PLGRKT: variants seen among roughly 807,000 people sequenced by gnomAD.
The protein encoded by PLGRKT is plasminogen receptor (KT).
A neutral mutation model predicts 18.5 loss-of-function variants in PLGRKT; 22 were observed. The ratio of observed to expected loss-of-function variants is 1.19; its 90% CI spans 0.85 to 1.70. The LOEUF is 1.70. PLGRKT is among the 40% of genes most tolerant of loss of function. The probability of loss-of-function intolerance (pLI) is 0.00; values close to 1 mark genes in which losing one functional copy is unlikely to be tolerated. For missense variants in PLGRKT, 235 were observed against 174.4 expected, an observed-to-expected ratio of 1.35 and a Z score of -1.96; for synonymous variants, 72 against 52.8, an observed-to-expected ratio of 1.36 and a Z score of -1.58.
chr9:5,399,335 CCT>C (rs1818112400), intron 3 of PLGRKT, among the ~76,000 whole-genome samples: 1 of 151,906 alleles, frequency 6.6e-6, no homozygotes, highest in South Asian at 2.1e-4. Flanking sequence ...TAGTTTCCCC[CCT>C]GATAAAATAT....
At chr9:5,420,356 A>T (rs933857770) in intron 3 of PLGRKT, among the ~76,000 whole-genome samples, 1 of 152,222 alleles carries the variant, frequency 6.6e-6, no homozygotes, top group Admixed American at 6.5e-5. Flanking sequence ...ACATGTACTA[A>T]ATGTCACTGA....
In PLGRKT at chr9:5,418,644, C is replaced by A; in HGVS notation, c.81+13253G>T. On this transcript the variant is annotated intron_variant, in intron 3 of 5. Transcript: ENST00000223864. This position sits in a 1 kb window ranked among gnomAD's most constrained non-coding sequence, Gnocchi z 4.2. ...GGTGGCGGCTCATATCTCCGGGCAG[C>A]AGCGCGTGCTCCTTGGAGATGGGCA... 1 of 693,634 alleles carries A rather than the reference C, an allele frequency of 1.4e-6. No homozygotes were observed. The highest frequency in any genetic ancestry group is 2.7e-6 in the Non-Finnish European group (1 of 371,328). The allele number at this position is 693,634 out of a possible 1,614,324, so 43.0% of individuals were successfully genotyped here.
chr9:5,408,513 C>T (rs1364478724), intron 3 of PLGRKT, among the ~76,000 whole-genome samples: 1 of 152,164 alleles, frequency 6.6e-6, no homozygotes, highest in African/African-American at 2.4e-5. Context: ...GCAGCCTAGG[C>T]TCATATGCAC....
intron 3 of PLGRKT, among the ~76,000 whole-genome samples, chr9:5,403,592 G>A (rs952569621): frequency 6.6e-6 from 1 of 152,182 alleles, no homozygotes; most frequent in African/African-American, 2.4e-5. Context: ...TAAAGGCAAC[G>A]ATAAGATTGT....
Position 5,361,761 on chromosome 9 carries a change from G to T in PLGRKT, c.209C>A (p.Ala70Asp). The T allele has an allele frequency of 1.2e-6, 2 of 1,605,942 alleles. No individual in the cohort carries two copies. The highest frequency in any genetic ancestry group is 1.7e-6 in the Non-Finnish European group (2 of 1,177,864). ...FFGLAAISLT[A>D]GAIKKKKPAF... ...AAATGTTAAATAGCAAACATACCCA[G>T]CTGTTAAAGAGATGGCTGCAAGGCC... The change falls in exon 4 of 6, where the codon GCT (alanine) becomes GAT (aspartate). Residue 70 changes from alanine to aspartate, a missense_variant. By Grantham distance (126) the Ala-to-Asp change is moderately radical. Transcript: ENST00000223864.
intron 3 of PLGRKT, among the ~76,000 whole-genome samples, chr9:5,375,038 T>C (rs1817601660): frequency 6.6e-6 from 1 of 152,130 alleles, no homozygotes; most frequent in Admixed American, 6.6e-5. Context: ...TTCAAAGTAA[T>C]GCTAAATAAA....
chr9:5,417,636 T>A (rs1006181804), intron 3 of PLGRKT, among the ~76,000 whole-genome samples: 2 of 150,142 alleles, frequency 1.3e-5, no homozygotes, highest in Admixed American at 1.3e-4. Context: ...AAATCTAGTA[T>A]CCATAATATG....
chr9:5,383,610 G>A (rs1275635323), intron 3 of PLGRKT, among the ~76,000 whole-genome samples: 3 of 152,080 alleles, frequency 2.0e-5, no homozygotes, highest in Admixed American at 6.5e-5. Flanking sequence ...TCAACTAGAC[G>A]GTCCCATCTA....
intron 3 of PLGRKT, among the ~76,000 whole-genome samples, chr9:5,400,321 G>C (rs1050990916): frequency 1.3e-5 from 2 of 151,874 alleles, no homozygotes; most frequent in Admixed American, 6.6e-5. Context: ...TCAAATTGTG[G>C]GGTGCATAAC....
intron 3 of PLGRKT, among the ~76,000 whole-genome samples, chr9:5,421,391 A>G (rs1033603201): frequency 2.6e-5 from 4 of 152,202 alleles, no homozygotes; most frequent in Non-Finnish European, 5.9e-5. Context: ...ATGGTCTCCC[A>G]TCATCATCCC....
intron 3 of PLGRKT, among the ~76,000 whole-genome samples, chr9:5,422,062 A>C (rs1343391010): frequency 2.0e-5 from 3 of 152,250 alleles, no homozygotes; most frequent in Non-Finnish European, 4.4e-5. Context: ...TTCCAGGATA[A>C]CCAGGTAGTA....
At chr9:5,412,245 C>T (rs935158377) in intron 3 of PLGRKT, among the ~76,000 whole-genome samples, 3 of 151,972 alleles carry the variant, frequency 2.0e-5, no homozygotes, top group Non-Finnish European at 2.9e-5. Flanking sequence ...CACAAGGTAG[C>T]CGTCTGAAAA....
At position 5,412,959 on chromosome 9, in the gene PLGRKT, T is replaced by C. The variant is rs144722686; in HGVS notation, c.81+18938A>G. ...GAAAATTCACAAAAAAAACAAGATA[T>C]ATAAATGGCCCTCAAATGTGAGAAA... On this transcript the variant is annotated intron_variant, in intron 3 of 5. Coordinates refer to ENST00000223864, the MANE Select transcript of PLGRKT (RefSeq NM_018465.4). Among the ~76,000 whole-genome samples the C allele has an allele frequency of 5.8e-3, 888 of 152,114 alleles. 12 individuals are homozygous for C. The highest frequency in any genetic ancestry group is 0.021 in the African/African-American group (855 of 41,474).
At chr9:5,358,477 C>T (rs746204960) in intron 5 of PLGRKT, 117 bp from the exon 6 acceptor site, 2 of 757,038 alleles carry the variant, frequency 2.6e-6, no homozygotes, top group East Asian at 2.7e-5. Context: ...TGTCCCCAAT[C>T]TCACACTTAA....
At chr9:5,381,880 A>G in intron 3 of PLGRKT, 2 of 984,814 alleles carry the variant, frequency 2.0e-6, no homozygotes, top group South Asian at 4.7e-5. Context: ...ACAGATCCTT[A>G]AGTTGTACCA....
chr9:5,422,148 G>A (rs1196988798), intron 3 of PLGRKT, among the ~76,000 whole-genome samples: 1 of 152,132 alleles, frequency 6.6e-6, no homozygotes, highest in Non-Finnish European at 1.5e-5. Context: ...TTTTATTCAA[G>A]CCCTAATGAA....
At chr9:5,403,224 CTT>C (rs34557029) in intron 3 of PLGRKT, among the ~76,000 whole-genome samples, 22 of 135,102 alleles carry the variant, frequency 1.6e-4, no homozygotes, top group Admixed American at 2.2e-4. Context: ...ATTCTTTTTT[CTT>C]TTTTTTTTTT....
At chr9:5,385,680 C>A (rs749964731) in intron 3 of PLGRKT, among the ~76,000 whole-genome samples, 1 of 151,616 alleles carries the variant, frequency 6.6e-6, no homozygotes, top group Non-Finnish European at 1.5e-5. Context: ...AGGAGGAACC[C>A]CCAAGACAGA....
chr9:5,366,238 T>C (rs1379768652), intron 3 of PLGRKT, among the ~76,000 whole-genome samples: 1 of 152,174 alleles, frequency 6.6e-6, no homozygotes, highest in East Asian at 1.9e-4. Flanking sequence ...TTTAACTATG[T>C]GTACATTCAT....
Sources: gnomAD v4.1 joint callset for allele counts (sites outside exome capture counted in the v4.1 genomes callset) on GRCh38, gnomAD v4.1.1 for gene constraint, Gnocchi (gnomAD v3.1) non-coding constraint, MANE v1.5 for transcripts, NCBI Gene and HGNC (gene_info 2026-07-23, HGNC 2026-07-21) for gene names.